Variants in TEK observed in about 807,000 individuals in gnomAD.
TEK encodes the protein TEK receptor tyrosine kinase, also known as angiopoietin-1 receptor.
A neutral mutation model predicts 131.8 loss-of-function variants in TEK; 43 were observed. That is an observed-to-expected ratio of 0.33 (90% CI 0.26 to 0.42). TEK has a LOEUF of 0.42. TEK is among the 10% of genes least tolerant of loss of function. The pLI is 1.00. For synonymous variants in TEK, 580 were observed against 491.6 expected (o/e 1.18, Z -2.38); for missense variants, 1,162 against 1,384.4 (o/e 0.84, Z 2.55).
At chr9:27,219,609 A>AC (rs1337097638) in intron 20 of TEK, among the ~76,000 whole-genome samples, 1 of 115,544 alleles carries the variant, frequency 8.7e-6, no homozygotes, top group Admixed American at 8.7e-5. Context: ...GTATCTCAGA[A>AC]CTTAAAATTT....
chr9:27,219,977 T>G, intron 20 of TEK, 72 bp from the exon 21 acceptor site: 1 of 1,519,700 alleles, frequency 6.6e-7, no homozygotes. Flanking sequence ...CCCCTTATAT[T>G]TAGAAACCCT....
chr9:27,219,511 G>A (rs1825963729), intron 20 of TEK, among the ~76,000 whole-genome samples: 1 of 152,066 alleles, frequency 6.6e-6, no homozygotes, highest in African/African-American at 2.4e-5. Context: ...AGGGGAGGGA[G>A]AGCATTAGGA....
chr9:27,192,802 A>G lies in TEK; in HGVS notation c.1624+179A>G, dbSNP rs923119776. Among the ~76,000 whole-genome samples, 10 of 152,220 alleles carry G rather than the reference A, an allele frequency of 6.6e-5. 1 individual carries two copies. In the South Asian group the frequency reaches 2.1e-3, roughly 32 times the overall value. On this transcript the variant is annotated intron_variant, in intron 11 of 22. Coordinates refer to ENST00000380036, the MANE Select transcript of TEK (RefSeq NM_000459.5). The stretch of plus-strand genomic sequence containing the variant: ...AGGAAGGCTAGCAACTTCAAGCCAA[A>G]CTGTTCCTTTATTTGGGTTGGACTC...
Position 27,157,904 on chromosome 9 carries a change from C to T in TEK, c.126C>T (p.Leu42=), listed in dbSNP as rs747664082. 1 of 1,614,110 alleles carries T rather than the reference C, an allele frequency of 6.2e-7. No individual in the cohort carries two copies. Among genetic ancestry groups the T allele is most frequent in the Non-Finnish European group, 8.5e-7 (1 of 1,179,996 alleles). Residue 42 remains leucine (L), a synonymous_variant, in exon 2 of 23, where the codon CTC becomes CTT. Coordinates refer to ENST00000380036, the MANE Select transcript of TEK (RefSeq NM_000459.5). Reference sequence around the variant, plus strand: ...TTGTATCTGATGCTGAAACATCTCTCACCTGCATTGCCTCTGGGTGGCGCC... The same window carrying T: ...TTGTATCTGATGCTGAAACATCTCTTACCTGCATTGCCTCTGGGTGGCGCC... ...LPLVSDAETS[L]TCIASGWRPH... is the part of the protein sequence containing the mutation.
intron 12 of TEK, among the ~76,000 whole-genome samples, chr9:27,199,067 T>C (rs1448026581): frequency 6.6e-6 from 1 of 152,224 alleles, no homozygotes; most frequent in Non-Finnish European, 1.5e-5. Context: ...CCCAAAGTGC[T>C]GGAATTACAG....
At chr9:27,203,799 C>T (rs1306344613) in intron 13 of TEK, among the ~76,000 whole-genome samples, 1 of 152,164 alleles carries the variant, frequency 6.6e-6, no homozygotes, top group East Asian at 1.9e-4. Context: ...TAGATGGAGG[C>T]ACGTTAGAGG....
rs1001280305 is a variant in TEK at position 27,194,889 on chromosome 9, A to G, written c.1624+2266A>G. On this transcript the variant is annotated intron_variant, in intron 11 of 22. Coordinates refer to ENST00000380036, the MANE Select transcript of TEK (RefSeq NM_000459.5). ...GCCAGGGAGTCCGGGAGGGGAAGGA[A>G]GAGAACACTTTCTGAACATAGTGCA... is the stretch of plus-strand genomic sequence containing the variant. Among the ~76,000 whole-genome samples, 11 of 152,236 alleles carry G rather than the reference A, an allele frequency of 7.2e-5. No individual in the cohort carries two copies. In the East Asian group the frequency reaches 2.1e-3, roughly 29 times the overall value.
intron 1 of TEK, among the ~76,000 whole-genome samples, chr9:27,110,034 T>G (rs1231506431): frequency 2.6e-5 from 4 of 152,136 alleles, no homozygotes; most frequent in Non-Finnish European, 5.9e-5. Context: ...CAGTAAAAAA[T>G]GAAATTCATG....
intron 17 of TEK, 144 bp downstream of exon 17, chr9:27,213,041 C>CCAT: frequency 3.5e-6 from 3 of 856,852 alleles, no homozygotes; most frequent in Non-Finnish European, 5.4e-6. Flanking sequence ...TGTGAATAGT[C>CCAT]CATCTATTTA....
At chr9:27,153,715 T>C (rs940505997) in intron 1 of TEK, among the ~76,000 whole-genome samples, 1 of 152,178 alleles carries the variant, frequency 6.6e-6, no homozygotes, top group Non-Finnish European at 1.5e-5. Context: ...GAGATTGATA[T>C]TGGTATGAGC....
chr9:27,167,353 G>A (rs1248374334), intron 2 of TEK, among the ~76,000 whole-genome samples: 2 of 151,898 alleles, frequency 1.3e-5, no homozygotes, highest in African/African-American at 2.4e-5. Context: ...TCAGCCTCCC[G>A]AGTAGCTGGA....
At position 27,214,048 on chromosome 9, in the gene TEK, C is replaced by T. The variant is rs186127206; in HGVS notation, c.2991+451C>T. Among the ~76,000 whole-genome samples the T allele has an allele frequency of 1.2e-3, 187 of 152,318 alleles. 2 individuals carry two copies. The highest frequency in any genetic ancestry group is 2.1e-4 in the Non-Finnish European group (14 of 68,030). On this transcript the variant is annotated intron_variant, in intron 18 of 22. Transcript: ENST00000380036. ...CAGAGAAATTCATAACTTCTACAGG[C>T]TCATCTAAGATTTCTCTCTTCACTG...
chr9:27,130,970 G>T (rs1349068890), intron 1 of TEK, among the ~76,000 whole-genome samples: 1 of 152,080 alleles, frequency 6.6e-6, no homozygotes, highest in East Asian at 1.9e-4. Context: ...ACAAAAGGAG[G>T]AAATACAAAT....
At chr9:27,142,488 G>T (rs1213805775) in intron 1 of TEK, among the ~76,000 whole-genome samples, 1 of 152,240 alleles carries the variant, frequency 6.6e-6, no homozygotes, top group African/African-American at 2.4e-5. Context: ...GGGGACTTCC[G>T]TAGCACTGGT....
intron 1 of TEK, among the ~76,000 whole-genome samples, chr9:27,156,871 C>T (rs995433065): frequency 3.9e-5 from 6 of 152,192 alleles, no homozygotes; most frequent in Non-Finnish European, 7.3e-5. Flanking sequence ...TGAGAGCCAA[C>T]CATCACTGGA....
chr9:27,216,897 T>A (rs937905495), intron 18 of TEK, among the ~76,000 whole-genome samples: 16 of 152,180 alleles, frequency 1.1e-4, no homozygotes, highest in African/African-American at 3.6e-4. Context: ...AACCTCTCAA[T>A]GACCAACCCT....
At chr9:27,203,943 CA>C (rs1260638619) in intron 13 of TEK, among the ~76,000 whole-genome samples, 1 of 152,216 alleles carries the variant, frequency 6.6e-6, no homozygotes, top group African/African-American at 2.4e-5. Context: ...GTCGCTTTAA[CA>C]GTGCTGATTC....
intron 12 of TEK, among the ~76,000 whole-genome samples, chr9:27,202,172 C>T (rs546518462): frequency 1.3e-5 from 2 of 152,276 alleles, no homozygotes; most frequent in East Asian, 1.9e-4. Flanking sequence ...CTGCCCGTGT[C>T]CCTGAATGGA....
At chr9:27,217,118 C>T (rs547877141) in intron 18 of TEK, among the ~76,000 whole-genome samples, 5 of 152,310 alleles carry the variant, frequency 3.3e-5, no homozygotes, top group African/African-American at 1.2e-4. Flanking sequence ...CCAACATAAA[C>T]TACACTAGCT....
Sources: gnomAD v4.1 joint callset for allele counts (sites outside exome capture counted in the v4.1 genomes callset) on GRCh38, gnomAD v4.1.1 for gene constraint, MANE v1.5 for transcripts, NCBI Gene and HGNC (gene_info 2026-07-23, HGNC 2026-07-21) for gene names.